Variants in DNAH2 observed in about 807,000 individuals in gnomAD.
DNAH2 encodes the protein axonemal beta dynein heavy chain 2.
In DNAH2, 323 loss-of-function variants were observed where a neutral mutation model predicts 523.5. That is an observed-to-expected ratio of 0.62 (90% CI 0.56 to 0.68). The LOEUF (loss-of-function observed/expected upper bound fraction) is 0.68, where lower values mean the gene tolerates loss of function less well. Ranked by LOEUF, DNAH2 falls within the 30% of genes least tolerant of loss-of-function variation. The probability of loss-of-function intolerance (pLI) is 0.00; values close to 1 mark genes in which losing one functional copy is unlikely to be tolerated. For synonymous variants in DNAH2, 2,093 were observed against 2,177.4 expected (o/e 0.96, Z 1.08); for missense variants, 4,907 against 5,701.5 (o/e 0.86, Z 4.49).
At position 7,734,570 on chromosome 17, in the gene DNAH2, C is replaced by T. The variant is rs756547282; in HGVS notation, c.840C>T (p.Phe280=). The change falls in exon 7 of 86, where the codon TTC becomes TTT. Residue 280 remains phenylalanine, a synonymous_variant. Coordinates refer to ENST00000572933, the MANE Select transcript of DNAH2 (RefSeq NM_020877.5). ...TAGGTCCTCTGGAGGAGATTGAGTT[C>T]TGGCGCAACCGATGCATGGACCTGT... ...ENLGPLEEIE[F]WRNRCMDLSG... is the part of the protein sequence containing the mutation. 3.7e-6 allele frequency: 6 copies of T among 1,613,656 alleles called. No individual in the cohort carries two copies. The highest frequency in any genetic ancestry group is 5.1e-6 in the Non-Finnish European group (6 of 1,180,012).
intron 8 of DNAH2, chr17:7,738,802 C>T: frequency 3.4e-6 from 2 of 584,208 alleles, no homozygotes; most frequent in Middle Eastern, 4.0e-4. Context: ...CTTTGGGATT[C>T]AGGAGGGTTG....
chr17:7,768,369 C>G (rs1027040948), intron 24 of DNAH2, 102 bp downstream of exon 24: 18 of 1,111,098 alleles, frequency 1.6e-5, no homozygotes, highest in African/African-American at 3.1e-5. Context: ...ACAGCCCTCT[C>G]TTCCCCTCTG....
intron 12 of DNAH2, among the ~76,000 whole-genome samples, chr17:7,744,359 G>C: frequency 6.6e-6 from 1 of 151,452 alleles, no homozygotes; most frequent in East Asian, 1.9e-4. Context: ...TGCCAGAGAA[G>C]TGCTGTGTGG....
At chr17:7,741,236 C>CTCTCTCTTTCTTTCTTTCTTTCTT (rs1555540638) in intron 11 of DNAH2, among the ~76,000 whole-genome samples, 3 of 85,596 alleles carry the variant, frequency 3.5e-5, no homozygotes, top group Non-Finnish European at 5.1e-5. Flanking sequence ...TTTTCTCTCT[C>CTCTCTCTTTCTTTCTTTCTTTCTT]TCTTTCTTTC....
intron 18 of DNAH2, among the ~76,000 whole-genome samples, 198 bp from the exon 19 acceptor site, chr17:7,763,633 A>G (rs1000572470): frequency 1.3e-5 from 2 of 152,244 alleles, no homozygotes; most frequent in Non-Finnish European, 2.9e-5. Context: ...TCTTATAGCC[A>G]GTGACTGGGA....
intron 24 of DNAH2, 97 bp downstream of exon 24, chr17:7,768,364 C>T (rs2076228688): frequency 9.1e-7 from 1 of 1,104,244 alleles, no homozygotes; most frequent in Non-Finnish European, 1.3e-6. Context: ...TGTTCACAGC[C>T]CTCTCTTCCC....
chr17:7,797,820 A>G lies in DNAH2; in HGVS notation c.8221A>G (p.Ile2741Val), dbSNP rs371670327. Reference sequence around the variant, plus strand: ...GCAGCTAGTGCTCTTCCGAGAGGCTATTGAACACAGTGAGCACCTGCCACG... The same window carrying G: ...GCAGCTAGTGCTCTTCCGAGAGGCTGTTGAACACAGTGAGCACCTGCCACG... Reference protein sequence around the residue: ...PMQLVLFREAIEHITRIVRVI... With the variant: ...PMQLVLFREAVEHITRIVRVI... Residue 2741 changes from isoleucine to valine, a missense_variant, in exon 53 of 86, where the codon ATT becomes GTT. This residue lies in a region of DNAH2 where 250 missense variants were observed against 371.3 expected (regional missense o/e 0.67). Transcript: ENST00000572933. The G allele has an allele frequency of 3.1e-6, 5 of 1,611,594 alleles. No individual in the cohort carries two copies. The highest frequency in any genetic ancestry group is 2.7e-5 in the African/African-American group (2 of 74,880).
intron 12 of DNAH2, among the ~76,000 whole-genome samples, chr17:7,745,013 G>C (rs1417173573): frequency 7.0e-6 from 1 of 142,346 alleles, no homozygotes; most frequent in African/African-American, 2.6e-5. Context: ...TTTTTTTCTT[G>C]AGACAGAGTC....
chr17:7,747,972 T>G (rs913421199), intron 12 of DNAH2, among the ~76,000 whole-genome samples: 1 of 152,224 alleles, frequency 6.6e-6, no homozygotes, highest in African/African-American at 2.4e-5. Flanking sequence ...CTCTTTGTGT[T>G]CAAGCTCCAG....
In DNAH2 at chr17:7,770,364, G is replaced by C; in HGVS notation, c.4054G>C (p.Gly1352Arg). Reference protein sequence around the residue: ...LGMDQHVEKIGEISASATKEL... With the variant: ...LGMDQHVEKIREISASATKEL... ...GATGGATCAGCATGTGGAGAAAATT[G>C]GGGAGATCTCTGCTTCAGCAACTAA... Residue 1352 changes from glycine to arginine, a missense_variant, in exon 25 of 86, where the codon GGG becomes CGG. By Grantham distance (125) the Gly-to-Arg change is moderately radical. Coordinates refer to ENST00000572933, the MANE Select transcript of DNAH2 (RefSeq NM_020877.5). 6.2e-7 allele frequency: 1 copy of C among 1,613,970 alleles called. No homozygotes were observed. The highest frequency in any genetic ancestry group is 1.7e-4 in the Middle Eastern group (1 of 6,060).
chr17:7,799,412 G>A (rs1259225694), intron 56 of DNAH2, among the ~76,000 whole-genome samples, 170 bp downstream of exon 56: 52 of 152,220 alleles, frequency 3.4e-4, no homozygotes, highest in Non-Finnish European at 5.9e-5. Context: ...TCCTTTGGTG[G>A]ACATGGGAGT....
chr17:7,751,922 T>TGG (rs2075693427), intron 12 of DNAH2, among the ~76,000 whole-genome samples: 15 of 29,372 alleles, frequency 5.1e-4, no homozygotes, highest in African/African-American at 3.2e-3. Flanking sequence ...AGTTGTGGGG[T>TGG]GTGTGTGTGT....
At chr17:7,733,466 C>T (rs943511751) in intron 5 of DNAH2, 151 bp downstream of exon 5, 5 of 559,566 alleles carry the variant, frequency 8.9e-6, no homozygotes, top group African/African-American at 2.1e-5. Context: ...CAAGATCCGC[C>T]TTCTTCTTCT....
In DNAH2 at chr17:7,792,792, G is replaced by T. The variant is rs543881020; in HGVS notation, c.7281G>T (p.Gln2427His). ...GGACTGGGAAGACCTCCATCGCCCAGAGCGTTCTGCAGTCCCTGCCCTCCA... is the reference window on the plus strand; with the variant it reads ...GGACTGGGAAGACCTCCATCGCCCATAGCGTTCTGCAGTCCCTGCCCTCCA... ...PVGTGKTSIA[Q>H]SVLQSLPSSQ... Residue 2427 changes from glutamine (Q) to histidine (H), a missense_variant, in exon 47 of 86, where the codon CAG becomes CAT. Transcript: ENST00000572933. The T allele has an allele frequency of 1.2e-6, 2 of 1,614,206 alleles. No individual in the cohort carries two copies. The highest frequency in any genetic ancestry group is 4.5e-5 in the East Asian group (2 of 44,888).
At chr17:7,727,023 C>T in intron 3 of DNAH2, 99 bp from the exon 4 acceptor site, 2 of 1,325,860 alleles carry the variant, frequency 1.5e-6, no homozygotes, top group Non-Finnish European at 2.0e-6. Flanking sequence ...ACCTGTCTGG[C>T]TTCTCTCATC....
Position 7,821,230 on chromosome 17 carries a change from C to T in DNAH2, c.11016-13C>T. On this transcript the variant is annotated splice_polypyrimidine_tract_variant and intron_variant, in intron 72 of 85. Coordinates refer to ENST00000572933, the MANE Select transcript of DNAH2 (RefSeq NM_020877.5). This position sits in a 1 kb window ranked among gnomAD's most constrained non-coding sequence, Gnocchi z 5.0. ...CATGCTGCCCCTCCCTCTTCCCTGTCCCTTTCTCCCAGGTACACCTGCCGT... is the reference window on the plus strand; with the variant it reads ...CATGCTGCCCCTCCCTCTTCCCTGTTCCTTTCTCCCAGGTACACCTGCCGT... 6.2e-7 allele frequency: 1 copy of T among 1,611,244 alleles called. No homozygotes were observed. Among genetic ancestry groups the T allele is most frequent in the Non-Finnish European group, 8.5e-7 (1 of 1,178,144 alleles).
At position 7,807,658 on chromosome 17, in the gene DNAH2, T is replaced by C; in HGVS notation, c.9729+72T>C. 1 of 1,342,734 alleles carries C rather than the reference T, an allele frequency of 7.4e-7. No individual in the cohort carries two copies. The allele number at this position is 1,342,734 out of a possible 1,614,324, so 83.2% of individuals were successfully genotyped here. On this transcript the variant is annotated intron_variant, in intron 63 of 85. Coordinates refer to ENST00000572933, the MANE Select transcript of DNAH2 (RefSeq NM_020877.5). This position sits in a 1 kb window ranked among gnomAD's most constrained non-coding sequence, Gnocchi z 5.6. ...TCTGGATTGCTTCATTAAGCATTTG[T>C]TTTCCCCCATCTAATTCTAGCCCCC...
chr17:7,830,508 G>T lies in DNAH2; in HGVS notation c.12045+17G>T. The T allele has an allele frequency of 6.2e-7, 1 of 1,612,976 alleles. No homozygotes were observed. The highest frequency in any genetic ancestry group is 1.1e-5 in the South Asian group (1 of 91,044). On this transcript the variant is annotated intron_variant, in intron 78 of 85. Transcript: ENST00000572933. Reference sequence around the variant, plus strand: ...GACTTTGAGGTTTGCATTAGCCAGGGGTCCTCATCCCAGCCCTCTCTCCTT... The same window carrying T: ...GACTTTGAGGTTTGCATTAGCCAGGTGTCCTCATCCCAGCCCTCTCTCCTT...
chr17:7,740,279 G>C (rs1014686010), intron 9 of DNAH2, 141 bp from the exon 10 acceptor site: 22 of 1,293,480 alleles, frequency 1.7e-5, no homozygotes, highest in Non-Finnish European at 2.0e-5. Flanking sequence ...GGATTAAATG[G>C]ATTCATGTAG....
Sources: allele counts gnomAD v4.1 joint callset (sites outside exome capture counted in the v4.1 genomes callset), GRCh38; gene constraint gnomAD v4.1.1; regional missense constraint gnomAD v4.1.1; non-coding constraint Gnocchi (gnomAD v3.1); transcripts MANE v1.5; gene names NCBI Gene and HGNC (gene_info 2026-07-23, HGNC 2026-07-21).